NRXN1: variants seen among roughly 807,000 people sequenced by gnomAD.
NRXN1 encodes the protein neurexin-1.
Under a neutral mutation model 150.9 loss-of-function variants are expected in NRXN1, and 39 were observed. That is an observed-to-expected ratio of 0.26 (90% CI 0.20 to 0.34). The LOEUF (loss-of-function observed/expected upper bound fraction) is 0.34, where lower values mean the gene tolerates loss of function less well. Ranked by LOEUF, NRXN1 falls within the 10% of genes least tolerant of loss-of-function variation. The pLI is 1.00. For synonymous variants in NRXN1, 924 were observed against 757.0 expected (o/e 1.22, Z -3.62); for missense variants, 1,815 against 1,949.9 (o/e 0.93, Z 1.30).
At chr2:50,521,193 T>A (rs1254588354) in intron 12 of NRXN1, among the ~76,000 whole-genome samples, 1 of 152,196 alleles carries the variant, frequency 6.6e-6, no homozygotes, top group African/African-American at 2.4e-5. Context: ...GGGATTTTGT[T>A]AACTCATATC....
chr2:50,380,905 T>A (rs1054715504), intron 17 of NRXN1, among the ~76,000 whole-genome samples: 4 of 152,118 alleles, frequency 2.6e-5, no homozygotes, highest in African/African-American at 9.7e-5. Flanking sequence ...GGTATTACAT[T>A]AGGCCCTCTA....
chr2:50,325,544 C>G (rs549454513), intron 17 of NRXN1, among the ~76,000 whole-genome samples: 22 of 152,300 alleles, frequency 1.4e-4, no homozygotes, highest in African/African-American at 4.8e-4. Context: ...GAAAACGTGT[C>G]CAAAGTGACA....
intron 2 of NRXN1, among the ~76,000 whole-genome samples, chr2:50,941,572 C>T (rs1244953102): frequency 6.6e-6 from 1 of 152,168 alleles, no homozygotes; most frequent in African/African-American, 2.4e-5. Flanking sequence ...GCAAAGGAGA[C>T]TGGTGGCATT....
At chr2:50,085,654 TTATTA>T (rs1257273336) in intron 19 of NRXN1, among the ~76,000 whole-genome samples, 1 of 149,520 alleles carries the variant, frequency 6.7e-6, no homozygotes, top group East Asian at 2.0e-4. Context: ...CAAAATATGG[TTATTA>T]TAAGATAAAT....
intron 17 of NRXN1, among the ~76,000 whole-genome samples, chr2:50,453,596 T>G (rs529457655): frequency 6.6e-6 from 1 of 152,206 alleles, no homozygotes; most frequent in Non-Finnish European, 1.5e-5. Context: ...AAACTAAGTC[T>G]CTTGTTCTTG....
At chr2:50,497,161 T>C (rs1280745377) in intron 14 of NRXN1, among the ~76,000 whole-genome samples, 172 bp downstream of exon 14, 1 of 152,188 alleles carries the variant, frequency 6.6e-6, no homozygotes, top group Non-Finnish European at 1.5e-5. Context: ...AAATCCATAT[T>C]AATTTAAGAT....
intron 2 of NRXN1, among the ~76,000 whole-genome samples, chr2:51,015,742 TTAAA>T (rs1189002668): frequency 2.0e-5 from 3 of 151,938 alleles, no homozygotes; most frequent in Admixed American, 6.6e-5. Context: ...CATTTTTAAC[TTAAA>T]TAAAGGGTGA....
intron 19 of NRXN1, among the ~76,000 whole-genome samples, chr2:50,081,938 A>G (rs1000932946): frequency 2.0e-5 from 3 of 152,144 alleles, no homozygotes; most frequent in African/African-American, 2.4e-5. Context: ...TAAAACAAAG[A>G]TACTTTTAGG....
intron 17 of NRXN1, among the ~76,000 whole-genome samples, chr2:50,452,367 A>C (rs1489889400): frequency 6.6e-6 from 1 of 152,158 alleles, no homozygotes; most frequent in Non-Finnish European, 1.5e-5. Flanking sequence ...AAGAGAAAGA[A>C]TATAGTGACA....
At chr2:50,041,747 T>C (rs1329258444) in intron 21 of NRXN1, among the ~76,000 whole-genome samples, 1 of 152,094 alleles carries the variant, frequency 6.6e-6, no homozygotes, top group East Asian at 1.9e-4. Context: ...ATTATTAGAG[T>C]GTGTCAACAA....
intron 17 of NRXN1, among the ~76,000 whole-genome samples, chr2:50,293,065 T>C (rs1485783558): frequency 6.6e-6 from 1 of 152,178 alleles, no homozygotes; most frequent in African/African-American, 2.4e-5. Flanking sequence ...TAAGCGTACA[T>C]ACCCCAAGTC....
chr2:50,654,364 A>C (rs1353745182), intron 5 of NRXN1, among the ~76,000 whole-genome samples: 4 of 151,752 alleles, frequency 2.6e-5, no homozygotes, highest in African/African-American at 9.7e-5. Flanking sequence ...TGAAATCATC[A>C]TTTTTTAGGG....
chr2:50,754,039 T>C lies in NRXN1; in HGVS notation c.833-130424A>G, dbSNP rs1303644002. On this transcript the variant is annotated intron_variant, in intron 5 of 22. Coordinates refer to ENST00000401669, the MANE Select transcript of NRXN1 (RefSeq NM_001330078.2). ...AATAAAATAATATTGCAGGAAAACA[T>C]ATGGCTCTGCCAAAAATATTAAACT... Among the ~76,000 whole-genome samples, 2 of 149,150 alleles carry C rather than the reference T, an allele frequency of 1.3e-5. 1 individual carries two copies. The highest frequency in any genetic ancestry group is 3.0e-5 in the Non-Finnish European group (2 of 67,558).
chr2:50,137,015 T>C (rs1173525482), intron 18 of NRXN1, among the ~76,000 whole-genome samples: 1 of 152,206 alleles, frequency 6.6e-6, no homozygotes, highest in Non-Finnish European at 1.5e-5. Context: ...AAAGAATCTA[T>C]AGACAGTACT....
At chr2:50,267,807 C>A (rs1312542700) in intron 17 of NRXN1, among the ~76,000 whole-genome samples, 1 of 152,020 alleles carries the variant, frequency 6.6e-6, no homozygotes. Flanking sequence ...AAATATGTTT[C>A]ACATTGGTCA....
At chr2:50,813,208 T>A (rs542897417) in intron 5 of NRXN1, among the ~76,000 whole-genome samples, 1 of 152,088 alleles carries the variant, frequency 6.6e-6, no homozygotes, top group Non-Finnish European at 1.5e-5. Flanking sequence ...AAAAAAGATA[T>A]TAATGGCTTA....
At chr2:50,680,406 AG>A (rs1030529373) in intron 5 of NRXN1, among the ~76,000 whole-genome samples, 36 of 152,150 alleles carry the variant, frequency 2.4e-4, no homozygotes, top group African/African-American at 8.4e-4. Flanking sequence ...AAAAGAAAAA[AG>A]ATTTTAAAAT....
Position 50,063,314 on chromosome 2 carries a change from A to G in NRXN1, c.3719-8270T>C, listed in dbSNP as rs72889598. ...TATTCTAATAAAACATTTGTCTTAT[A>G]TATTACTTTATTTCCTATATCATTA... On this transcript the variant is annotated intron_variant, in intron 19 of 22. Coordinates refer to ENST00000401669, the MANE Select transcript of NRXN1 (RefSeq NM_001330078.2). Among the ~76,000 whole-genome samples the G allele has an allele frequency of 6.7e-3, 1,016 of 152,254 alleles. 14 individuals carry two copies. Among genetic ancestry groups the G allele is most frequent in the African/African-American group, 0.024 (987 of 41,546 alleles).
chr2:50,145,191 G>A (rs551128087), intron 18 of NRXN1, among the ~76,000 whole-genome samples: 25 of 151,478 alleles, frequency 1.7e-4, no homozygotes, highest in Admixed American at 4.6e-4. Context: ...TAGAAAAGGT[G>A]CAAAAAAAGC....
Sources: allele counts gnomAD v4.1 joint callset (sites outside exome capture counted in the v4.1 genomes callset), GRCh38; gene constraint gnomAD v4.1.1; transcripts MANE v1.5; gene names NCBI Gene and HGNC (gene_info 2026-07-23, HGNC 2026-07-21).